KCNT2: variants seen among roughly 807,000 people sequenced by gnomAD.
KCNT2 encodes the protein potassium sodium-activated channel subfamily T member 2, also known as potassium channel subfamily T member 2.
Under a neutral mutation model 153.8 loss-of-function variants are expected in KCNT2, and 67 were observed. The observed-to-expected ratio is 0.44, with a 90% CI of 0.36 to 0.53. The LOEUF is 0.53. Ranked by LOEUF, KCNT2 falls within the 20% of genes least tolerant of loss-of-function variation. KCNT2 has a pLI of 0.00. For synonymous variants in KCNT2, 500 were observed against 458.8 expected, an observed-to-expected ratio of 1.09 and a Z score of -1.15; for missense variants, 975 against 1,354.8, an observed-to-expected ratio of 0.72 and a Z score of 4.40.
Position 196,285,729 on chromosome 1 carries a change from G to A in KCNT2, c.2625C>T (p.Ala875=), listed in dbSNP as rs1413212726. ...KKERERGSNL[A]FMFRLPFAAG... ...CAGCAAAAGGCAGTCGAAACATAAAGGCCAAGTTAGAGCCTCTCTCCCGTT... is the reference window on the plus strand; with the variant it reads ...CAGCAAAAGGCAGTCGAAACATAAAAGCCAAGTTAGAGCCTCTCTCCCGTT... Residue 875 remains alanine, a synonymous_variant, in exon 23 of 28, where the codon GCC becomes GCT. Transcript: ENST00000294725. 1.9e-6 allele frequency: 3 copies of A among 1,612,904 alleles called. No homozygotes were observed. Among genetic ancestry groups the A allele is most frequent in the East Asian group, 4.5e-5 (2 of 44,848 alleles).
chr1:196,528,937 C>G (rs1268202736), intron 1 of KCNT2, among the ~76,000 whole-genome samples: 1 of 152,012 alleles, frequency 6.6e-6, no homozygotes, highest in Non-Finnish European at 1.5e-5. Flanking sequence ...TATGATTATG[C>G]TATACATATT....
chr1:196,435,139 GTATATA>G (rs1166021273), intron 8 of KCNT2, among the ~76,000 whole-genome samples: 636 of 45,716 alleles, frequency 0.014, 15 homozygotes, highest in East Asian at 0.13. Context: ...GTGTGTGTAT[GTATATA>G]TATATATATA....
intron 1 of KCNT2, among the ~76,000 whole-genome samples, chr1:196,528,613 GC>G (rs1341878743): frequency 6.6e-6 from 1 of 152,100 alleles, no homozygotes; most frequent in Non-Finnish European, 1.5e-5. Flanking sequence ...TTAAAAAGAA[GC>G]CTTTTAGTTT....
chr1:196,474,999 A>G (rs963714279), intron 5 of KCNT2, among the ~76,000 whole-genome samples: 1 of 152,204 alleles, frequency 6.6e-6, no homozygotes, highest in African/African-American at 2.4e-5. Context: ...CAAAACCTAC[A>G]GTCTCAATGA....
chr1:196,268,870 T>A (rs566846433), intron 25 of KCNT2, among the ~76,000 whole-genome samples: 1 of 152,170 alleles, frequency 6.6e-6, no homozygotes, highest in African/African-American at 2.4e-5. Flanking sequence ...AGTTTTAACA[T>A]CCAAACCAAA....
At chr1:196,472,862 C>T (rs1678215370) in intron 5 of KCNT2, among the ~76,000 whole-genome samples, 1 of 152,158 alleles carries the variant, frequency 6.6e-6, no homozygotes, top group East Asian at 1.9e-4. Context: ...TCCCATCATT[C>T]TTGCCCCATT....
intron 14 of KCNT2, among the ~76,000 whole-genome samples, chr1:196,349,010 G>A (rs995871174): frequency 1.3e-5 from 2 of 152,104 alleles, no homozygotes; most frequent in African/African-American, 4.8e-5. Flanking sequence ...AAAGGGGCAT[G>A]CTGTAGAGTT....
chr1:196,515,431 C>T (rs1406917206), intron 1 of KCNT2, among the ~76,000 whole-genome samples: 1 of 151,524 alleles, frequency 6.6e-6, no homozygotes, highest in Admixed American at 6.6e-5. Flanking sequence ...TGAAAATATG[C>T]ATATTTCATT....
rs7531611 is a variant in KCNT2 at position 196,436,522 on chromosome 1, T to A, written c.639-6765A>T. Among the ~76,000 whole-genome samples, 3 of 151,220 alleles carry A rather than the reference T, an allele frequency of 2.0e-5. No homozygotes were observed. In the South Asian group the frequency reaches 6.2e-4, roughly 31 times the overall value. On this transcript the variant is annotated intron_variant, in intron 8 of 27. Transcript: ENST00000294725. ...CACAAATACATATTAGTTATTTTAC[T>A]TAGATCTGTGAATCTTAAAACATGC... is the stretch of plus-strand genomic sequence containing the variant.
intron 1 of KCNT2, among the ~76,000 whole-genome samples, chr1:196,534,085 G>T (rs376409121): frequency 6.6e-6 from 1 of 151,528 alleles, no homozygotes; most frequent in Non-Finnish European, 1.5e-5. Context: ...AAACTTGGAA[G>T]GTAATAGATT....
chr1:196,296,046 T>C (rs1660649448), intron 22 of KCNT2, among the ~76,000 whole-genome samples: 1 of 151,944 alleles, frequency 6.6e-6, no homozygotes, highest in Non-Finnish European at 1.5e-5. Flanking sequence ...ACTGCTTAAA[T>C]CAGTTATAAT....
intron 19 of KCNT2, among the ~76,000 whole-genome samples, chr1:196,320,475 G>T (rs1035305879): frequency 2.6e-5 from 4 of 151,770 alleles, no homozygotes; most frequent in African/African-American, 9.7e-5. Context: ...TTAGGAGGCA[G>T]AATTGAGGAA....
chr1:196,440,350 C>T (rs892428021), intron 8 of KCNT2, among the ~76,000 whole-genome samples: 5 of 151,992 alleles, frequency 3.3e-5, no homozygotes, highest in African/African-American at 1.2e-4. Flanking sequence ...CAGTCAAATA[C>T]ATTTGGCAAT....
At chr1:196,563,853 A>G (rs948594807) in intron 1 of KCNT2, among the ~76,000 whole-genome samples, 2 of 151,962 alleles carry the variant, frequency 1.3e-5, no homozygotes, top group African/African-American at 4.8e-5. Context: ...CATGTAGAAT[A>G]AACCTTAACA....
At chr1:196,544,845 T>C (rs956810929) in intron 1 of KCNT2, among the ~76,000 whole-genome samples, 11 of 152,136 alleles carry the variant, frequency 7.2e-5, no homozygotes, top group Admixed American at 5.9e-4. Context: ...ACATTTGTTT[T>C]ATAGTACAAA....
At chr1:196,384,512 C>T (rs1437180702) in intron 13 of KCNT2, among the ~76,000 whole-genome samples, 2 of 151,796 alleles carry the variant, frequency 1.3e-5, no homozygotes, top group South Asian at 2.1e-4. Context: ...ACCATCATGG[C>T]GAAAGCCCAT....
chr1:196,500,700 T>C (rs1490224205), intron 1 of KCNT2, among the ~76,000 whole-genome samples: 3 of 151,838 alleles, frequency 2.0e-5, no homozygotes, highest in African/African-American at 7.3e-5. Flanking sequence ...CATAGACAAA[T>C]AGGAATTAAT....
chr1:196,484,424 C>A (rs1235784889), intron 3 of KCNT2, among the ~76,000 whole-genome samples: 1 of 151,384 alleles, frequency 6.6e-6, no homozygotes, highest in East Asian at 1.9e-4. Context: ...GGATATTAGA[C>A]CTTTGTCAGA....
chr1:196,310,268 G>T (rs1662038522), intron 21 of KCNT2, among the ~76,000 whole-genome samples: 1 of 151,790 alleles, frequency 6.6e-6, no homozygotes, highest in African/African-American at 2.4e-5. Flanking sequence ...TTAATAGGAG[G>T]TATACAGACA....
Sources: gnomAD v4.1 joint callset for allele counts (sites outside exome capture counted in the v4.1 genomes callset) on GRCh38, gnomAD v4.1.1 for gene constraint, MANE v1.5 for transcripts, NCBI Gene and HGNC (gene_info 2026-07-23, HGNC 2026-07-21) for gene names.